Variants in LPP observed in about 807,000 individuals in gnomAD.
LPP encodes the protein LIM domain containing preferred translocation partner in lipoma.
In LPP, 38 loss-of-function variants were observed where a neutral mutation model predicts 60.4. The ratio of observed to expected loss-of-function variants is 0.63; its 90% CI spans 0.49 to 0.83. LPP has a LOEUF of 0.83. Among genes scored for constraint, LPP ranks in the 40% least tolerant of loss-of-function variants. LPP has a pLI of 0.00. For missense variants in LPP, 902 were observed against 783.6 expected (o/e 1.15, Z -1.80); for synonymous variants, 328 against 290.8 (o/e 1.13, Z -1.30).
At chr3:188,381,564 T>C (rs1335552783) in intron 3 of LPP, among the ~76,000 whole-genome samples, 1 of 152,208 alleles carries the variant, frequency 6.6e-6, no homozygotes, top group African/African-American at 2.4e-5. Flanking sequence ...GCCAGTGCTT[T>C]ACACTGGTAC....
At chr3:188,650,384 A>T (rs554142066) in intron 7 of LPP, among the ~76,000 whole-genome samples, 1 of 152,298 alleles carries the variant, frequency 6.6e-6, no homozygotes, top group East Asian at 1.9e-4. Context: ...ACTGCGTTTT[A>T]TTCTGTATCA....
intron 6 of LPP, among the ~76,000 whole-genome samples, chr3:188,607,368 A>AAGATAGAT (rs1323121185): frequency 4.8e-5 from 4 of 83,692 alleles, no homozygotes; most frequent in African/African-American, 1.8e-4. Flanking sequence ...TTGAAAATAG[A>AAGATAGAT]AGATATATAT....
At chr3:188,701,010 C>T (rs1864294101) in intron 7 of LPP, among the ~76,000 whole-genome samples, 1 of 152,142 alleles carries the variant, frequency 6.6e-6, no homozygotes, top group Non-Finnish European at 1.5e-5. Flanking sequence ...CACTGGACAA[C>T]TTAAAGGCAG....
chr3:188,553,455 G>A (rs769487478), intron 6 of LPP, among the ~76,000 whole-genome samples: 1 of 152,164 alleles, frequency 6.6e-6, no homozygotes, highest in Non-Finnish European at 1.5e-5. Context: ...CATTGAGCTC[G>A]TGCATGTTGG....
chr3:188,269,890 C>T (rs1235525750), intron 2 of LPP, among the ~76,000 whole-genome samples: 2 of 152,142 alleles, frequency 1.3e-5, no homozygotes, highest in African/African-American at 4.8e-5. Flanking sequence ...TCAAGTGATC[C>T]ACCCACCTTG....
chr3:188,423,005 T>C (rs1231454305), intron 4 of LPP, among the ~76,000 whole-genome samples: 1 of 151,344 alleles, frequency 6.6e-6, no homozygotes, highest in East Asian at 1.9e-4. Context: ...AACGTGCAGG[T>C]TTGTTACATA....
At chr3:188,457,448 A>G (rs996586128) in intron 4 of LPP, among the ~76,000 whole-genome samples, 2 of 152,162 alleles carry the variant, frequency 1.3e-5, no homozygotes, top group African/African-American at 4.8e-5. Context: ...AATCCATTAA[A>G]ATTAGAATTT....
intron 4 of LPP, among the ~76,000 whole-genome samples, chr3:188,451,823 G>T (rs1796653409): frequency 6.6e-6 from 1 of 152,196 alleles, no homozygotes; most frequent in Non-Finnish European, 1.5e-5. Flanking sequence ...AGGCAAGAGG[G>T]AATGTGGCAT....
intron 2 of LPP, among the ~76,000 whole-genome samples, chr3:188,325,609 T>C (rs546025292): frequency 2.8e-4 from 43 of 152,200 alleles, no homozygotes; most frequent in Non-Finnish European, 4.9e-4. Flanking sequence ...GCAAACTGTT[T>C]TGGTGAGAAA....
rs573425589 is a variant in LPP, at chr3:188,874,015, T to A, written c.1711-336T>A. Among the ~76,000 whole-genome samples the A allele has an allele frequency of 7.5e-3, 1,149 of 152,206 alleles. 9 individuals are homozygous for A. Among genetic ancestry groups the A allele is most frequent in the Non-Finnish European group, 0.011 (758 of 68,010 alleles). ...ATCGGTGGTTAGGGACATTCTTATTTTCTCTTGTTGAGTGGGGGCAGCAAA... is the reference window on the plus strand; with the variant it reads ...ATCGGTGGTTAGGGACATTCTTATTATCTCTTGTTGAGTGGGGGCAGCAAA... On this transcript the variant is annotated intron_variant, in intron 11 of 11. Transcript: ENST00000617246.
chr3:188,636,160 A>G (rs950826625), intron 7 of LPP, among the ~76,000 whole-genome samples: 7 of 152,290 alleles, frequency 4.6e-5, no homozygotes, highest in African/African-American at 1.7e-4. Context: ...TCATCTCACT[A>G]GGCAGTGCCA....
intron 2 of LPP, among the ~76,000 whole-genome samples, chr3:188,309,024 T>TCTTC (rs202097312): frequency 5.0e-5 from 4 of 79,232 alleles, no homozygotes; most frequent in African/African-American, 1.9e-4. Context: ...TTCTTCTTCT[T>TCTTC]TTTTTTTTTT....
At chr3:188,452,646 C>T (rs996151771) in intron 4 of LPP, among the ~76,000 whole-genome samples, 2 of 152,066 alleles carry the variant, frequency 1.3e-5, no homozygotes, top group African/African-American at 4.8e-5. Flanking sequence ...AGTACTTCTG[C>T]CCCCTAACCT....
At chr3:188,589,660 T>C (rs558786067) in intron 6 of LPP, among the ~76,000 whole-genome samples, 1 of 152,330 alleles carries the variant, frequency 6.6e-6, no homozygotes, top group Admixed American at 6.5e-5. Flanking sequence ...TCTTTACCAC[T>C]GAAAACTTGC....
At chr3:188,336,736 A>G (rs1195749922) in intron 2 of LPP, among the ~76,000 whole-genome samples, 1 of 152,134 alleles carries the variant, frequency 6.6e-6, no homozygotes, top group Non-Finnish European at 1.5e-5. Context: ...CTCCAGGGAA[A>G]CAGCGTATTA....
At chr3:188,533,467 A>G (rs1579713671) in intron 6 of LPP, among the ~76,000 whole-genome samples, 1 of 152,160 alleles carries the variant, frequency 6.6e-6, no homozygotes, top group Admixed American at 6.5e-5. Context: ...ATAGGTGTGG[A>G]TAGTGGCATC....
intron 7 of LPP, among the ~76,000 whole-genome samples, chr3:188,628,910 A>T (rs1040457454): frequency 5.3e-5 from 8 of 152,174 alleles, no homozygotes; most frequent in Admixed American, 3.9e-4. Context: ...ATTCAACCCA[A>T]TCAAATAGGC....
chr3:188,495,082 A>ATATATATATATATATATATATATATT (rs1342207321), intron 5 of LPP, among the ~76,000 whole-genome samples: 1 of 97,244 alleles, frequency 1.0e-5, no homozygotes, highest in Non-Finnish European at 2.0e-5. Flanking sequence ...ATATATATAT[A>ATATATATATATATATATATATATATT]TTTTATTTAT....
intron 2 of LPP, among the ~76,000 whole-genome samples, chr3:188,336,711 A>G (rs73888224): frequency 0.09 from 13,679 of 152,096 alleles, 678 homozygotes; most frequent in Non-Finnish European, 0.098. Context: ...CTCTGACACT[A>G]AGCAGGTAGA....
Sources: allele counts gnomAD v4.1 joint callset (sites outside exome capture counted in the v4.1 genomes callset), GRCh38; gene constraint gnomAD v4.1.1; transcripts MANE v1.5; gene names NCBI Gene and HGNC (gene_info 2026-07-23, HGNC 2026-07-21).